Variants in SSBP3 observed in about 807,000 individuals in gnomAD.
SSBP3 encodes single stranded DNA binding protein 3, also known as single-stranded DNA-binding protein 3.
A neutral mutation model predicts 69.6 loss-of-function variants in SSBP3; 5 were observed. That is an observed-to-expected ratio of 0.07 (90% confidence interval 0.04 to 0.15). The LOEUF is 0.15. SSBP3 is among the 10% of genes least tolerant of loss of function. SSBP3 has a pLI of 1.00. For synonymous variants in SSBP3, 196 were observed against 193.4 expected, an observed-to-expected ratio of 1.01 and a Z score of -0.11; for missense variants, 312 against 534.0, an observed-to-expected ratio of 0.58 and a Z score of 4.10.
rs374967606 is a variant in SSBP3 at position 54,240,890 on chromosome 1, C to T, written c.856+15G>A. The T allele has an allele frequency of 2.5e-6, 4 of 1,613,090 alleles. No individual in the cohort carries two copies. Among genetic ancestry groups the T allele is most frequent in the Non-Finnish European group, 3.4e-6 (4 of 1,179,374 alleles). ...CCACCACCAGACCCCCCACTTTCCC[C>T]TCAAGCGCTCTTACCTGCGGGACTG... On this transcript the variant is annotated intron_variant, in intron 13 of 17. Transcript: ENST00000610401.
rs562246398 is a variant in SSBP3 at position 54,262,879 on chromosome 1, G to A, written c.367-4730C>T. 1.5e-3 allele frequency among the ~76,000 whole-genome samples: 226 copies of A among 152,326 alleles called. 1 individual carries two copies. The highest frequency in any genetic ancestry group is 5.0e-3 in the African/African-American group (209 of 41,574). On this transcript the variant is annotated intron_variant, in intron 5 of 17. Transcript: ENST00000610401. ...TCCCCACTCCTGAATCTGGGAAAAG[G>A]AGGCAGGAAACACGCCCACTTCCTG...
At chr1:54,265,585 C>T (rs949613799) in intron 5 of SSBP3, among the ~76,000 whole-genome samples, 1 of 152,142 alleles carries the variant, frequency 6.6e-6, no homozygotes, top group Admixed American at 6.5e-5. Context: ...ATCAATGGCC[C>T]TTTGTGGGGA....
intron 4 of SSBP3, among the ~76,000 whole-genome samples, chr1:54,299,961 T>G (rs1346695867): frequency 6.6e-6 from 1 of 152,146 alleles, no homozygotes; most frequent in Non-Finnish European, 1.5e-5. Flanking sequence ...CTTTTTAAGC[T>G]TCTATGCATT....
intron 4 of SSBP3, among the ~76,000 whole-genome samples, chr1:54,393,238 C>T (rs888022161): frequency 6.6e-6 from 1 of 152,166 alleles, no homozygotes. Context: ...GGTTTGGAAG[C>T]GGCATATGTG....
At chr1:54,371,432 C>T (rs914285294) in intron 4 of SSBP3, among the ~76,000 whole-genome samples, 1 of 152,128 alleles carries the variant, frequency 6.6e-6, no homozygotes, top group Admixed American at 6.5e-5. Flanking sequence ...AAGGCTTGGG[C>T]GATTTTAAGC....
exon 9 of SSBP3, chr1:54,251,625 G>T: frequency 1.3e-6 from 2 of 1,551,588 alleles, no homozygotes; most frequent in Non-Finnish European, 1.7e-6. Flanking sequence ...CCTGTGGGCC[G>T]GGACCCATGG....
At chr1:54,240,120 GCAACACATGCCCACGTA>G (rs1644601534) in intron 13 of SSBP3, among the ~76,000 whole-genome samples, 1 of 103,556 alleles carries the variant, frequency 9.7e-6, no homozygotes. Context: ...GCGCGCGCGC[GCAACACATGCCCACGTA>G]TGTGCACGCA....
chr1:54,268,982 C>G (rs1351894410), intron 5 of SSBP3, among the ~76,000 whole-genome samples: 1 of 152,190 alleles, frequency 6.6e-6, no homozygotes, highest in African/African-American at 2.4e-5. Context: ...ACCTGCCTCA[C>G]AGAGAACTGT....
intron 4 of SSBP3, among the ~76,000 whole-genome samples, chr1:54,328,880 C>T (rs1044614254): frequency 6.6e-6 from 1 of 152,230 alleles, no homozygotes; most frequent in Non-Finnish European, 1.5e-5. Context: ...GCCCTACTTC[C>T]TCCACATGAC....
At chr1:54,371,699 C>T (rs994641405) in intron 4 of SSBP3, among the ~76,000 whole-genome samples, 54 of 152,192 alleles carry the variant, frequency 3.5e-4, no homozygotes, top group African/African-American at 1.1e-3. Context: ...ATGACAACTG[C>T]GTACAGGGAC....
intron 9 of SSBP3, among the ~76,000 whole-genome samples, chr1:54,246,616 G>GC (rs1392943746): frequency 6.6e-6 from 1 of 152,222 alleles, no homozygotes; most frequent in East Asian, 1.9e-4. Context: ...TCCTGACCCT[G>GC]CCTGGCCTTC....
At chr1:54,395,460 T>C (rs1648795921) in intron 4 of SSBP3, among the ~76,000 whole-genome samples, 1 of 152,144 alleles carries the variant, frequency 6.6e-6, no homozygotes, top group South Asian at 2.1e-4. Context: ...TTCTGCCCAA[T>C]ACAGATAAGG....
intron 4 of SSBP3, among the ~76,000 whole-genome samples, chr1:54,313,617 A>T (rs962395070): frequency 3.9e-5 from 6 of 152,106 alleles, no homozygotes; most frequent in African/African-American, 1.4e-4. Flanking sequence ...GGTCTTGCAC[A>T]AAAGCACGGG....
At chr1:54,384,642 G>A (rs1422304844) in intron 4 of SSBP3, among the ~76,000 whole-genome samples, 1 of 152,246 alleles carries the variant, frequency 6.6e-6, no homozygotes, top group Non-Finnish European at 1.5e-5. Flanking sequence ...TGGGAGAACA[G>A]CCTGTGCAAA....
Position 54,265,503 on chromosome 1 carries a change from G to T in SSBP3, c.367-7354C>A, listed in dbSNP as rs770625464. 2.6e-5 allele frequency among the ~76,000 whole-genome samples: 4 copies of T among 152,222 alleles called. 1 individual carries two copies. The highest frequency in any genetic ancestry group is 4.8e-5 in the African/African-American group (2 of 41,462). ...CACACAGCAGTGGAATAACTGCCCGGGCTTCTGCGTGGTCCCCGAGAGCTC... is the reference window on the plus strand; with the variant it reads ...CACACAGCAGTGGAATAACTGCCCGTGCTTCTGCGTGGTCCCCGAGAGCTC... On this transcript the variant is annotated intron_variant, in intron 5 of 17. Coordinates refer to ENST00000610401, the Ensembl canonical transcript of SSBP3.
upstream of SSBP3, among the ~76,000 whole-genome samples, chr1:54,407,806 G>GCCC (rs1439273222): frequency 8.7e-6 from 1 of 114,848 alleles, no homozygotes; most frequent in East Asian, 2.7e-4. Flanking sequence ...AACAAGTAAC[G>GCCC]CCCCTCCCCC....
At chr1:54,235,896 G>T (rs936352311) in intron 14 of SSBP3, among the ~76,000 whole-genome samples, 1 of 152,170 alleles carries the variant, frequency 6.6e-6, no homozygotes, top group African/African-American at 2.4e-5. Context: ...TGAAGAAATT[G>T]ATAAAGTCCT....
At chr1:54,310,584 C>A (rs1458082890) in intron 4 of SSBP3, among the ~76,000 whole-genome samples, 1 of 152,124 alleles carries the variant, frequency 6.6e-6, no homozygotes, top group Non-Finnish European at 1.5e-5. Context: ...ACACCCCAAC[C>A]CACTTCCTCC....
rs200861426 is a variant in SSBP3, at chr1:54,258,110, G to A, written c.406C>T (p.Pro136Ser). The change falls in exon 6 of 18, where the codon CCA becomes TCA. Residue 136 changes from proline (P) to serine (S), a missense_variant. Pro to Ser is a moderately conservative substitution (Grantham distance 74). Around this residue, in one of 4 missense-constraint regions of SSBP3, gnomAD observed 134 missense variants for 212.1 expected, o/e 0.63. Coordinates refer to ENST00000610401, the Ensembl canonical transcript of SSBP3. The surrounding 1 kb of genome is among the most constrained non-coding windows in gnomAD (Gnocchi z 4.5). ...ATCATGCTGCTAGGATTGTGAGGTG[G>A]AGGCTGTGCGTGCGGCGAGGGCTGT... 2 of 1,599,804 alleles carry A rather than the reference G, an allele frequency of 1.3e-6. No homozygotes were observed. The highest frequency in any genetic ancestry group is 1.7e-6 in the Non-Finnish European group (2 of 1,174,494).
Sources: gnomAD v4.1 joint callset for allele counts (sites outside exome capture counted in the v4.1 genomes callset) on GRCh38, gnomAD v4.1.1 for gene constraint, gnomAD v4.1.1 regional missense constraint, Gnocchi (gnomAD v3.1) non-coding constraint, MANE v1.5 for transcripts, NCBI Gene and HGNC (gene_info 2026-07-23, HGNC 2026-07-21) for gene names.